Variants in SMPDL3B observed in about 807,000 individuals in gnomAD.
SMPDL3B encodes the protein acid sphingomyelinase-like phosphodiesterase 3b.
A neutral mutation model predicts 37.9 loss-of-function variants in SMPDL3B; 31 were observed. The observed-to-expected ratio is 0.82, with a 90% CI of 0.61 to 1.10. The LOEUF is 1.10. SMPDL3B is among the 50% of genes least tolerant of loss of function. The pLI, the probability that SMPDL3B is intolerant of heterozygous loss-of-function variation, is 0.00. For synonymous variants in SMPDL3B, 235 were observed against 242.6 expected (o/e 0.97, Z 0.29); for missense variants, 525 against 597.8 (o/e 0.88, Z 1.27).
At chr1:27,938,583 TA>T (rs2090328077) in intron 1 of SMPDL3B, among the ~76,000 whole-genome samples, 1 of 152,200 alleles carries the variant, frequency 6.6e-6, no homozygotes, top group South Asian at 2.1e-4. Context: ...AGGTACATTG[TA>T]AAATGTTGTA....
At chr1:27,957,035 A>G (rs1638309775) in intron 7 of SMPDL3B, among the ~76,000 whole-genome samples, 1 of 152,090 alleles carries the variant, frequency 6.6e-6, no homozygotes. Context: ...AAGAGGCACA[A>G]GGGGAGAGTG....
chr1:27,957,253 T>A (rs957486609), intron 7 of SMPDL3B, among the ~76,000 whole-genome samples: 2 of 151,866 alleles, frequency 1.3e-5, no homozygotes, highest in African/African-American at 4.8e-5. Context: ...TTGCCCAGGG[T>A]GGAGGCAGTG....
chr1:27,951,264 A>G (rs1454893630), intron 3 of SMPDL3B, among the ~76,000 whole-genome samples: 1 of 152,164 alleles, frequency 6.6e-6, no homozygotes, highest in Admixed American at 6.5e-5. Flanking sequence ...AGATGGTACT[A>G]TGAGAACAAA....
chr1:27,937,570 C>T (rs7524082), intron 1 of SMPDL3B, among the ~76,000 whole-genome samples: 108,623 of 152,080 alleles, frequency 0.71, 39,013 homozygotes, highest in South Asian at 0.84. Context: ...GAGACTGAGA[C>T]CATTGTGTGG....
At chr1:27,942,819 G>C (rs947840800) in intron 1 of SMPDL3B, among the ~76,000 whole-genome samples, 2 of 152,148 alleles carry the variant, frequency 1.3e-5, no homozygotes, top group African/African-American at 4.8e-5. Flanking sequence ...GTGAGCCACT[G>C]TGCCTGGCTG....
rs143604457 is a variant in SMPDL3B at position 27,958,526 on chromosome 1, G to C, written c.1056G>C (p.Thr352=). The change falls in exon 8 of 8, where the codon ACG becomes ACC. Residue 352 remains threonine, a synonymous_variant. Coordinates refer to ENST00000373894, the MANE Select transcript of SMPDL3B (RefSeq NM_014474.4). This position sits in a 1 kb window ranked among gnomAD's most constrained non-coding sequence, Gnocchi z 5.6. Reference sequence around the variant, plus strand: ...TGAGCCAGGCGAATGCTCAGGGGACGCCGCGCTGGGAGCTCGAGTACCAGC... The same window carrying C: ...TGAGCCAGGCGAATGCTCAGGGGACCCCGCGCTGGGAGCTCGAGTACCAGC... ...MNLSQANAQG[T]PRWELEYQLT... 5,735 of 1,613,548 alleles carry C rather than the reference G, an allele frequency of 3.6e-3. 341 individuals carry two copies. The Admixed American group carries it at 0.09, about 25-fold the overall frequency.
At chr1:27,949,890 C>T (rs1312579831) in intron 3 of SMPDL3B, among the ~76,000 whole-genome samples, 1 of 151,254 alleles carries the variant, frequency 6.6e-6, no homozygotes, top group African/African-American at 2.4e-5. Context: ...TCCCAGGACA[C>T]AGATATGGAG....
chr1:27,950,048 G>A (rs1180965806), intron 3 of SMPDL3B, among the ~76,000 whole-genome samples: 1 of 152,178 alleles, frequency 6.6e-6, no homozygotes, highest in African/African-American at 2.4e-5. Context: ...TTTTACTGAT[G>A]AGGGAGGTGA....
chr1:27,955,714 T>A lies in SMPDL3B; in HGVS notation c.721T>A (p.Phe241Ile). The A allele has an allele frequency of 6.2e-7, 1 of 1,613,504 alleles. No individual in the cohort carries two copies. The highest frequency in any genetic ancestry group is 8.5e-7 in the Non-Finnish European group (1 of 1,179,882). ...VYIVGHVPPG[F>I]FEKTQNKAWF... ...CATTGTCGGCCACGTGCCCCCGGGG[T>A]TCTTTGAGAAGACGCAAAACAAGGC... Residue 241 changes from phenylalanine (F) to isoleucine (I), a missense_variant, in exon 6 of 8, where the codon TTC becomes ATC. By Grantham distance (21) the Phe-to-Ile change is conservative (BLOSUM62 0). Coordinates refer to ENST00000373894, the MANE Select transcript of SMPDL3B (RefSeq NM_014474.4).
In SMPDL3B at chr1:27,945,222, T is replaced by C. The variant is rs758755619; in HGVS notation, c.62-10T>C. 10 of 1,613,674 alleles carry C rather than the reference T, an allele frequency of 6.2e-6. No homozygotes were observed. In the African/African-American group the frequency reaches 1.3e-4, roughly 22 times the overall value. ...ACCAGCTTTGAAGGAGGATGTTTTT[T>C]CCCCTGCAGGGAAGTTCTGGCACAT... On this transcript the variant is annotated splice_polypyrimidine_tract_variant and intron_variant, in intron 1 of 7. Transcript: ENST00000373894. This position sits in a 1 kb window ranked among gnomAD's most constrained non-coding sequence, Gnocchi z 4.0.
chr1:27,956,400 C>A, intron 7 of SMPDL3B: 1 of 1,280,948 alleles, frequency 7.8e-7, no homozygotes, highest in Non-Finnish European at 1.0e-6. Context: ...GCACCACTTT[C>A]ATCTTGTCTC....
intron 7 of SMPDL3B, among the ~76,000 whole-genome samples, chr1:27,957,691 G>A (rs1638331423): frequency 1.3e-5 from 2 of 152,152 alleles, no homozygotes; most frequent in South Asian, 2.1e-4. Context: ...GGCACTCCAA[G>A]GGTCTGAGCA....
rs768133198 is a variant in SMPDL3B, at chr1:27,935,888, G to C, written c.61+644G>C. On this transcript the variant is annotated intron_variant, in intron 1 of 7. Transcript: ENST00000373894. ...AGGACAGTGCACGGGGTCTGAGGTG[G>C]ACACACAGGAGATGTGCATGAGGAA... Among the ~76,000 whole-genome samples, 32 of 152,122 alleles carry C rather than the reference G, an allele frequency of 2.1e-4. 1 individual carries two copies. The highest frequency in any genetic ancestry group is 7.7e-4 in the African/African-American group (32 of 41,436).
chr1:27,946,989 C>T (rs1242166184), intron 2 of SMPDL3B, among the ~76,000 whole-genome samples: 1 of 151,766 alleles, frequency 6.6e-6, no homozygotes, highest in Admixed American at 6.6e-5. Context: ...GTGTAGCATT[C>T]AGACAGATGG....
At chr1:27,955,644 G>A in intron 5 of SMPDL3B, 40 bp from the exon 6 acceptor site, 1 of 1,583,810 alleles carries the variant, frequency 6.3e-7, no homozygotes. Flanking sequence ...GGTCTGGAGA[G>A]GGCATCTGTG....
rs1427733290 is a variant in SMPDL3B, at chr1:27,958,964, G to A, written c.*126G>A. The A allele has an allele frequency of 6.7e-6, 8 of 1,200,992 alleles. No individual in the cohort carries two copies. Among genetic ancestry groups the A allele is most frequent in the Admixed American group, 2.9e-5 (1 of 34,924 alleles). 74.4% of individuals were successfully genotyped at this position (1,200,992 alleles called of 1,614,324 possible). A position where few individuals can be genotyped will look rare whatever the true frequency, so the allele number is the denominator to read the frequency against. On this transcript the variant is annotated 3_prime_UTR_variant, in exon 8 of 8. Coordinates refer to ENST00000373894, the MANE Select transcript of SMPDL3B (RefSeq NM_014474.4). This position sits in a 1 kb window ranked among gnomAD's most constrained non-coding sequence, Gnocchi z 5.6. Reference sequence around the variant, plus strand: ...AACTGAAATAGGACAACCGAATCAGGAAGCGAAGCCCCAGGAGCTGCAGCC... The same window carrying A: ...AACTGAAATAGGACAACCGAATCAGAAAGCGAAGCCCCAGGAGCTGCAGCC...
At chr1:27,948,129 G>A (rs1049582524) in intron 2 of SMPDL3B, among the ~76,000 whole-genome samples, 8 of 152,010 alleles carry the variant, frequency 5.3e-5, no homozygotes, top group African/African-American at 1.9e-4. Flanking sequence ...GTACACTTAG[G>A]TACAATTTTT....
At chr1:27,940,283 C>T (rs1009669923) in intron 1 of SMPDL3B, among the ~76,000 whole-genome samples, 32 of 152,274 alleles carry the variant, frequency 2.1e-4, no homozygotes, top group Admixed American at 1.9e-3. Flanking sequence ...TCCTGCCTGC[C>T]CTGCCCCTGC....
intron 3 of SMPDL3B, among the ~76,000 whole-genome samples, chr1:27,950,261 G>A (rs1327053059): frequency 6.6e-6 from 1 of 152,076 alleles, no homozygotes; most frequent in African/African-American, 2.4e-5. Flanking sequence ...CTTCCAGCAG[G>A]GGTCAAACCA....
Sources: allele counts gnomAD v4.1 joint callset (sites outside exome capture counted in the v4.1 genomes callset), GRCh38; gene constraint gnomAD v4.1.1; non-coding constraint Gnocchi (gnomAD v3.1); transcripts MANE v1.5; gene names NCBI Gene and HGNC (gene_info 2026-07-23, HGNC 2026-07-21).